CES5A: variants seen among roughly 807,000 people sequenced by gnomAD.
CES5A encodes carboxylesterase 5.
A neutral mutation model predicts 62.9 loss-of-function variants in CES5A; 67 were observed. The observed-to-expected ratio is 1.07, with a 90% CI of 0.88 to 1.31. CES5A has a LOEUF of 1.31. Ranked by LOEUF, CES5A falls within the 50% of genes most tolerant of loss-of-function variation. The pLI is 0.00. For synonymous variants in CES5A, 296 were observed against 280.8 expected, an observed-to-expected ratio of 1.05 and a Z score of -0.54; for missense variants, 748 against 708.5, an observed-to-expected ratio of 1.06 and a Z score of -0.63.
chr16:55,877,425 T>C (rs1216454182), upstream of CES5A, among the ~76,000 whole-genome samples: 1 of 148,878 alleles, frequency 6.7e-6, no homozygotes, highest in African/African-American at 2.5e-5. Flanking sequence ...TGTGTGTATA[T>C]ATATATATGT....
intron 9 of CES5A, among the ~76,000 whole-genome samples, 159 bp downstream of exon 9, chr16:55,856,218 G>T (rs2033239163): frequency 6.6e-6 from 1 of 152,212 alleles, no homozygotes. Flanking sequence ...TAATAGCAGT[G>T]CAAGAGTGGA....
intron 2 of CES5A, among the ~76,000 whole-genome samples, chr16:55,938,797 T>TATATATATATACAC (rs1440495150): frequency 2.0e-4 from 10 of 51,074 alleles, no homozygotes; most frequent in African/African-American, 1.0e-3. Context: ...TATATATATA[T>TATATATATATACAC]ACACACATAT....
At chr16:55,924,229 G>T (rs1400564766) in intron 1 of CES5A, among the ~76,000 whole-genome samples, 4 of 151,720 alleles carry the variant, frequency 2.6e-5, no homozygotes, top group South Asian at 4.1e-4. Flanking sequence ...AAATTTGCAG[G>T]ATACAAAATC....
In CES5A at chr16:55,846,758, G is replaced by T. The variant is rs201352497; in HGVS notation, c.1496+10C>A. On this transcript the variant is annotated intron_variant, in intron 12 of 12. Coordinates refer to ENST00000290567, the MANE Select transcript of CES5A (RefSeq NM_001143685.2). The stretch of plus-strand genomic sequence containing the variant: ...GCCTTGGCATGGGGGAGACCGGGAG[G>T]TTTACTTACCCGGTTCGAGCAAAGG... 1.9e-6 allele frequency: 3 copies of T among 1,613,880 alleles called. No homozygotes were observed. The highest frequency in any genetic ancestry group is 2.5e-6 in the Non-Finnish European group (3 of 1,179,764).
upstream of CES5A, among the ~76,000 whole-genome samples, chr16:55,927,392 T>TCAACAAATCA (rs2034268338): frequency 6.6e-6 from 1 of 152,146 alleles, no homozygotes; most frequent in Non-Finnish European, 1.5e-5. Flanking sequence ...ATCTAGAATC[T>TCAACAAATCA]GCAAGGAACT....
intron 5 of CES5A, among the ~76,000 whole-genome samples, chr16:55,864,982 G>A (rs1380431901): frequency 4.0e-5 from 6 of 151,800 alleles, no homozygotes; most frequent in Non-Finnish European, 8.8e-5. Context: ...CAAGGTGGGC[G>A]GATCACCTGA....
intron 1 of CES5A, among the ~76,000 whole-genome samples, chr16:55,895,179 G>A (rs2033919348): frequency 6.6e-6 from 1 of 152,176 alleles, no homozygotes; most frequent in Admixed American, 6.5e-5. Context: ...GAGTACATTT[G>A]CAAAGATTGG....
chr16:55,891,649 T>C (rs2033879879), intron 1 of CES5A, among the ~76,000 whole-genome samples: 1 of 152,176 alleles, frequency 6.6e-6, no homozygotes, highest in African/African-American at 2.4e-5. Context: ...CAATCATATA[T>C]GCATTTATCT....
intron 1 of CES5A, among the ~76,000 whole-genome samples, chr16:55,909,150 C>T (rs1260234590): frequency 6.6e-6 from 1 of 152,208 alleles, no homozygotes. Flanking sequence ...AGCCTCCTTA[C>T]CTCTGAGAGA....
intron 3 of CES5A, among the ~76,000 whole-genome samples, chr16:55,870,252 G>A (rs1168437229): frequency 6.6e-6 from 1 of 151,944 alleles, no homozygotes; most frequent in African/African-American, 2.4e-5. Context: ...AGAAAGAAGA[G>A]AGGAGGGGAG....
intron 7 of CES5A, among the ~76,000 whole-genome samples, chr16:55,861,036 TG>T (rs1177637906): frequency 6.6e-6 from 1 of 152,192 alleles, no homozygotes; most frequent in Non-Finnish European, 1.5e-5. Context: ...ACTGAGGTCT[TG>T]GAAGGTTTTC....
At chr16:55,896,190 G>C (rs2033932392) in intron 1 of CES5A, among the ~76,000 whole-genome samples, 1 of 152,126 alleles carries the variant, frequency 6.6e-6, no homozygotes. Flanking sequence ...ATGTGCAGGG[G>C]AACTCTCCTT....
chr16:55,872,457 G>A (rs1347987369), intron 2 of CES5A, among the ~76,000 whole-genome samples: 1 of 152,138 alleles, frequency 6.6e-6, no homozygotes, highest in Non-Finnish European at 1.5e-5. Context: ...TTGTGCGTGT[G>A]CATTATCATC....
At chr16:55,934,567 T>A (rs1183598998) in intron 2 of CES5A, among the ~76,000 whole-genome samples, 3 of 152,244 alleles carry the variant, frequency 2.0e-5, no homozygotes, top group African/African-American at 4.8e-5. Context: ...GTTAATTTAC[T>A]ATGACTTTGC....
intron 1 of CES5A, among the ~76,000 whole-genome samples, chr16:55,880,646 C>A (rs1216218901): frequency 6.6e-6 from 1 of 152,222 alleles, no homozygotes; most frequent in African/African-American, 2.4e-5. Flanking sequence ...GTTACTAAGA[C>A]TGTCAGTGGT....
At chr16:55,941,661 C>A (rs1016764411) in intron 2 of CES5A, among the ~76,000 whole-genome samples, 1 of 151,864 alleles carries the variant, frequency 6.6e-6, no homozygotes, top group African/African-American at 2.4e-5. Context: ...ATAGCCAAAA[C>A]AATTTTGAAA....
rs914674626 is a variant in CES5A at position 55,905,528 on chromosome 16, G to C, written c.-256+19795C>G. On this transcript the variant is annotated intron_variant, in intron 1 of 12. Coordinates refer to the CES5A transcript ENST00000518005. ...ATTACAGGCATGTACCACCATGCCCGGCTAACTTTTGTATTTTTAGGAGAA... is the reference window on the plus strand; with the variant it reads ...ATTACAGGCATGTACCACCATGCCCCGCTAACTTTTGTATTTTTAGGAGAA... Among the ~76,000 whole-genome samples the C allele has an allele frequency of 3.3e-5, 5 of 151,884 alleles. No individual in the cohort carries two copies. The East Asian group carries it at 7.7e-4, about 23-fold the overall frequency.
chr16:55,877,738 T>A (rs2033713814), upstream of CES5A, among the ~76,000 whole-genome samples: 1 of 152,176 alleles, frequency 6.6e-6, no homozygotes, highest in Admixed American at 6.5e-5. Context: ...TTTATTTGCA[T>A]CTATTACCTA....
chr16:55,899,559 G>T (rs2033969198), intron 1 of CES5A, among the ~76,000 whole-genome samples: 1 of 152,182 alleles, frequency 6.6e-6, no homozygotes, highest in Non-Finnish European at 1.5e-5. Context: ...AGAGCCTCTG[G>T]TGCCACAGAG....
Sources: allele counts gnomAD v4.1 joint callset (sites outside exome capture counted in the v4.1 genomes callset), GRCh38; gene constraint gnomAD v4.1.1; transcripts MANE v1.5; gene names NCBI Gene and HGNC (gene_info 2026-07-23, HGNC 2026-07-21).